Variants in HELQ observed in about 807,000 individuals in gnomAD.
HELQ encodes the protein helicase, POLQ like.
A neutral mutation model predicts 111.6 loss-of-function variants in HELQ; 77 were observed. That is an observed-to-expected ratio of 0.69 (90% confidence interval 0.57 to 0.83). The LOEUF is 0.83. Among genes scored for constraint, HELQ ranks in the 40% least tolerant of loss-of-function variants. HELQ has a pLI of 0.00. For missense variants in HELQ, 1,200 were observed against 1,288.5 expected, an observed-to-expected ratio of 0.93 and a Z score of 1.05; for synonymous variants, 438 against 454.7, an observed-to-expected ratio of 0.96 and a Z score of 0.47.
chr4:83,413,612 A>C (rs1739215549), intron 17 of HELQ, among the ~76,000 whole-genome samples: 1 of 152,144 alleles, frequency 6.6e-6, no homozygotes, highest in African/African-American at 2.4e-5. Flanking sequence ...TTTCCTTTCA[A>C]TCTAGGTCTT....
In HELQ at chr4:83,418,140, C is replaced by T. The variant is rs1428028237; in HGVS notation, c.3016G>A (p.Val1006Ile). 6.2e-7 allele frequency: 1 copy of T among 1,610,794 alleles called. No individual in the cohort carries two copies. The highest frequency in any genetic ancestry group is 1.3e-5 in the African/African-American group (1 of 74,978). ...ATGAGAGGGATTAATTCTGCCTTTA[C>T]ACAGTAAGTCAGCTTCTTGGTAAGT... ...VELTKKLTYC[V>I]KAELIPLMEV... The change falls in exon 16 of 18, where the codon GTA (valine) becomes ATA (isoleucine). Residue 1006 changes from valine to isoleucine, a missense_variant. Physicochemically the swap from Val to Ile is conservative, Grantham distance 29. Around this residue, in one of 3 missense-constraint regions of HELQ, gnomAD observed 585 missense variants for 665.3 expected, o/e 0.88. Coordinates refer to ENST00000295488, the MANE Select transcript of HELQ (RefSeq NM_133636.5).
intron 9 of HELQ, among the ~76,000 whole-genome samples, chr4:83,434,547 C>T (rs1323645213): frequency 2.6e-5 from 4 of 151,926 alleles, no homozygotes; most frequent in South Asian, 2.1e-4. Flanking sequence ...ACTGCAGCCT[C>T]GATGTCCTGG....
At chr4:83,448,753 A>G (rs1560557874) in intron 3 of HELQ, 30 bp downstream of exon 3, 2 of 1,564,300 alleles carry the variant, frequency 1.3e-6, no homozygotes, top group Non-Finnish European at 1.7e-6. Context: ...AGCAAATAAC[A>G]TTTGTTTTAA....
At position 83,421,676 on chromosome 4, in the gene HELQ, T is replaced by G. The variant is rs1340589562; in HGVS notation, c.2836A>C (p.Lys946Gln). 1.9e-6 allele frequency: 3 copies of G among 1,613,606 alleles called. No homozygotes were observed. Among genetic ancestry groups the G allele is most frequent in the Admixed American group, 1.7e-5 (1 of 60,000 alleles). Residue 946 changes from lysine (K) to glutamine (Q), a missense_variant, in exon 15 of 18, where the codon AAA (lysine) becomes CAA (glutamine). Physicochemically the swap from Lys to Gln is moderately conservative, Grantham distance 53. Coordinates refer to ENST00000295488, the MANE Select transcript of HELQ (RefSeq NM_133636.5). Reference protein sequence around the residue: ...YLSFVLYTLLKETNIWTVSEK... With the variant: ...YLSFVLYTLLQETNIWTVSEK... The stretch of plus-strand genomic sequence containing the variant: ...GATACAGTCCAAATGTTGGTCTCTT[T>G]GAGCAAGGTATAAAGAACAAAAGAC...
chr4:83,416,927 C>T (rs1356835285), intron 16 of HELQ, 62 bp from the exon 17 acceptor site: 4 of 1,467,784 alleles, frequency 2.7e-6, no homozygotes, highest in East Asian at 4.7e-5. Context: ...GAAAATTAAG[C>T]ACTTTACTGA....
intron 13 of HELQ, 74 bp from the exon 14 acceptor site, chr4:83,426,166 G>A: frequency 1.3e-6 from 1 of 747,852 alleles, no homozygotes; most frequent in Non-Finnish European, 2.4e-6. Context: ...TATTTCTTTT[G>A]ATATCACATT....
intron 5 of HELQ, among the ~76,000 whole-genome samples, chr4:83,444,313 G>A (rs1042697699): frequency 3.3e-5 from 5 of 152,146 alleles, no homozygotes; most frequent in African/African-American, 7.2e-5. Flanking sequence ...GGCTAAATGC[G>A]TCTCGAACTC....
At chr4:83,450,106 C>T (rs1244080660) in intron 2 of HELQ, among the ~76,000 whole-genome samples, 4 of 150,916 alleles carry the variant, frequency 2.7e-5, no homozygotes, top group Non-Finnish European at 5.9e-5. Flanking sequence ...TAACAAAGTG[C>T]CATGGTGGTG....
rs1250456851 is a variant in HELQ, at chr4:83,436,846, C to T, written c.2048+12G>A. The stretch of plus-strand genomic sequence containing the variant: ...AAGTTCTGAGCCTGGTCAACACTTA[C>T]TTATCTCTTACCTTCGAGCTGGTAG... On this transcript the variant is annotated intron_variant, in intron 9 of 17. Transcript: ENST00000295488. 6.2e-7 allele frequency: 1 copy of T among 1,608,992 alleles called. No homozygotes were observed. The highest frequency in any genetic ancestry group is 8.5e-7 in the Non-Finnish European group (1 of 1,177,538).
At chr4:83,414,306 C>A (rs1397121342) in intron 17 of HELQ, among the ~76,000 whole-genome samples, 2 of 152,184 alleles carry the variant, frequency 1.3e-5, no homozygotes, top group African/African-American at 2.4e-5. Flanking sequence ...TTGGCTGTAG[C>A]ACCACAACAA....
At chr4:83,450,343 T>G (rs1384562179) in intron 2 of HELQ, among the ~76,000 whole-genome samples, 1 of 148,644 alleles carries the variant, frequency 6.7e-6, no homozygotes, top group East Asian at 2.0e-4. Flanking sequence ...GACCAGGATT[T>G]CAAGATGAGC....
At chr4:83,412,854 A>C (rs1336133870) in intron 17 of HELQ, among the ~76,000 whole-genome samples, 3 of 152,168 alleles carry the variant, frequency 2.0e-5, no homozygotes, top group African/African-American at 7.2e-5. Context: ...CTCATCCCAG[A>C]GTGTCCTGCC....
At chr4:83,445,960 T>C (rs1259176672) in intron 5 of HELQ, 54 bp downstream of exon 5, 12 of 1,138,182 alleles carry the variant, frequency 1.1e-5, no homozygotes, top group Non-Finnish European at 1.6e-5. Flanking sequence ...TTAAGTATTT[T>C]ATAAGTCTCT....
chr4:83,428,876 T>A (rs1444656482), intron 12 of HELQ, among the ~76,000 whole-genome samples: 1 of 152,146 alleles, frequency 6.6e-6, no homozygotes, highest in Non-Finnish European at 1.5e-5. Flanking sequence ...ACTGTACATA[T>A]GTACATATTA....
chr4:83,446,400 G>A (rs1355051420), intron 4 of HELQ, among the ~76,000 whole-genome samples: 1 of 152,094 alleles, frequency 6.6e-6, no homozygotes, highest in Admixed American at 6.6e-5. Flanking sequence ...TCCACCTCCT[G>A]GGTTACAGCG....
upstream of HELQ, chr4:83,455,828 C>T (rs10516688): frequency 4.2e-5 from 38 of 914,086 alleles, no homozygotes; most frequent in Admixed American, 4.5e-4. Context: ...GCTCTCAGGG[C>T]TCGCGGACCG....
chr4:83,455,617 A>G lies in HELQ; in HGVS notation c.77T>C (p.Phe26Ser). The G allele has an allele frequency of 9.3e-6, 15 of 1,613,800 alleles. No homozygotes were observed. The highest frequency in any genetic ancestry group is 1.3e-5 in the African/African-American group (1 of 74,898). ...GAGCTCGGCCGCGGTGGGAGCGCCA[A>G]AAATACACCCCAAGCTTGGACGGTT... ...KRNRPSLGCI[F>S]GAPTAAELVP... Residue 26 changes from phenylalanine (F) to serine (S), a missense_variant, in exon 1 of 18, where the codon TTT becomes TCT. Around this residue, in one of 3 missense-constraint regions of HELQ, gnomAD observed 610 missense variants for 607.1 expected, o/e 1.00. Transcript: ENST00000295488.
chr4:83,422,566 AG>A (rs1361728658), intron 14 of HELQ, among the ~76,000 whole-genome samples: 1 of 152,236 alleles, frequency 6.6e-6, no homozygotes, highest in Non-Finnish European at 1.5e-5. Flanking sequence ...CTATAAGCCA[AG>A]GAACACCAAG....
rs1344701424 is a variant in HELQ at position 83,427,634 on chromosome 4, G to C, written c.2605C>G (p.Leu869Val). The change falls in exon 13 of 18, where the codon CTA becomes GTA. Residue 869 changes from leucine (L) to valine (V), a missense_variant. Around this residue, in one of 3 missense-constraint regions of HELQ, gnomAD observed 585 missense variants for 665.3 expected, o/e 0.88. Transcript: ENST00000295488. ...TCATAGGGGGTTGTTAGGTAGATTAGATGAAGAAGGCTTTCAAGCACAAGT... is the reference window on the plus strand; with the variant it reads ...TCATAGGGGGTTGTTAGGTAGATTACATGAAGAAGGCTTTCAAGCACAAGT... ...EGLVLESLLH[L>V]IYLTTPYDLV... The C allele has an allele frequency of 1.9e-6, 3 of 1,606,984 alleles. No homozygotes were observed. In the Admixed American group the frequency reaches 5.1e-5, roughly 27 times the overall value.
Sources: gnomAD v4.1 joint callset for allele counts (sites outside exome capture counted in the v4.1 genomes callset) on GRCh38, gnomAD v4.1.1 for gene constraint, gnomAD v4.1.1 regional missense constraint, MANE v1.5 for transcripts, NCBI Gene and HGNC (gene_info 2026-07-23, HGNC 2026-07-21) for gene names.